Variants in GPR4 observed in about 807,000 individuals in gnomAD.
GPR4 encodes the protein G-prodeshotein coupled receptor 4.
GPR4 carries 11 observed loss-of-function variants against 17.8 expected under a neutral mutation model. The observed-to-expected ratio is 0.62, with a 90% CI of 0.39 to 1.02. The LOEUF is 1.02. Ranked by LOEUF, GPR4 falls within the 50% of genes least tolerant of loss-of-function variation. The pLI is 0.00. For synonymous variants in GPR4, 219 were observed against 222.8 expected (o/e 0.98, Z 0.15); for missense variants, 364 against 495.4 (o/e 0.73, Z 2.52).
chr19:45,598,484 C>G (rs750551803), intron 1 of GPR4, among the ~76,000 whole-genome samples: 2 of 152,042 alleles, frequency 1.3e-5, no homozygotes, highest in African/African-American at 4.8e-5. Flanking sequence ...AAGGGGGAAC[C>G]GGTCCAGCTC....
At chr19:45,592,991 A>T (rs1970014078) in intron 1 of GPR4, among the ~76,000 whole-genome samples, 1 of 152,010 alleles carries the variant, frequency 6.6e-6, no homozygotes, top group African/African-American at 2.4e-5. Context: ...TAGGAGTTCA[A>T]GACCAGCCTG....
chr19:45,599,430 C>A (rs1323060974), intron 1 of GPR4, among the ~76,000 whole-genome samples: 2 of 151,870 alleles, frequency 1.3e-5, no homozygotes, highest in Admixed American at 6.6e-5. Context: ...CCCACCACCC[C>A]CCCCTCCCCG....
Position 45,590,441 on chromosome 19 carries a change from T to G in GPR4, c.*337A>C, listed in dbSNP as rs1969977173. ...TGGTCCCAGCTACTCGGGAGGCTGA[T>G]GTGGGAAGATCGCTGGAGAGCCCAG... On this transcript the variant is annotated 3_prime_UTR_variant, in exon 2 of 2. Transcript: ENST00000323040. The G allele has an allele frequency of 8.5e-6, 2 of 234,270 alleles. No homozygotes were observed. The highest frequency in any genetic ancestry group is 8.5e-5 in the East Asian group (1 of 11,722). The allele number at this position is 234,270 out of a possible 1,614,324, so 14.5% of individuals were successfully genotyped here.
At chr19:45,601,539 T>C (rs1351792535) in intron 1 of GPR4, among the ~76,000 whole-genome samples, 2 of 151,958 alleles carry the variant, frequency 1.3e-5, no homozygotes, top group Non-Finnish European at 2.9e-5. Context: ...CCAAGCAGGT[T>C]CCCAGCCCAG....
intron 1 of GPR4, among the ~76,000 whole-genome samples, chr19:45,596,876 C>T (rs1016300855): frequency 6.6e-6 from 1 of 152,040 alleles, no homozygotes; most frequent in Non-Finnish European, 1.5e-5. Flanking sequence ...TTGAAACCCT[C>T]CAATGGCTTC....
At chr19:45,594,063 A>AATATATATATATATATAT (rs1186316579) in intron 1 of GPR4, among the ~76,000 whole-genome samples, 2 of 36,244 alleles carry the variant, frequency 5.5e-5, no homozygotes, top group African/African-American at 1.5e-4. Flanking sequence ...AAAAAAAAAA[A>AATATATATATATATATAT]ATATATATAT....
rs1406999761 is a variant in GPR4 at position 45,590,758 on chromosome 19, G to A, written c.*20C>T. 1 of 1,539,946 alleles carries A rather than the reference G, an allele frequency of 6.5e-7. No individual in the cohort carries two copies. Among genetic ancestry groups the A allele is most frequent in the Non-Finnish European group, 8.7e-7 (1 of 1,143,122 alleles). On this transcript the variant is annotated 3_prime_UTR_variant, in exon 2 of 2. Coordinates refer to ENST00000323040, the MANE Select transcript of GPR4 (RefSeq NM_005282.3). Reference sequence around the variant, plus strand: ...TGTGGGATGAGAGGGGAAAACTGGGGATTCTGTGCCACTCGGGGTTCATTG... The same window carrying A: ...TGTGGGATGAGAGGGGAAAACTGGGAATTCTGTGCCACTCGGGGTTCATTG...
intron 1 of GPR4, among the ~76,000 whole-genome samples, chr19:45,597,026 C>T (rs1311367252): frequency 1.3e-5 from 2 of 152,130 alleles, no homozygotes; most frequent in African/African-American, 4.8e-5. Flanking sequence ...ACCTTCTTTC[C>T]AGCCTCAAAC....
rs1228150117 is a variant in GPR4 at position 45,590,783 on chromosome 19, G to C, written c.1084C>G (p.Gln362Glu). ...GATTCTGTGCCACTCGGGGTTCATTGTGCTGGCGGCAGCATCTTCAGCTGC... is the reference window on the plus strand; with the variant it reads ...GATTCTGTGCCACTCGGGGTTCATTCTGCTGGCGGCAGCATCTTCAGCTGC... Reference protein sequence around the residue: ...QVQLKMLPPAQ With the variant: ...QVQLKMLPPAE Residue 362 changes from glutamine (Q) to glutamate (E), a missense_variant, in exon 2 of 2, where the codon CAA (glutamine) becomes GAA (glutamate). Around this residue, in one of 3 missense-constraint regions of GPR4, gnomAD observed 92 missense variants for 106.0 expected, o/e 0.87. Coordinates refer to ENST00000323040, the MANE Select transcript of GPR4 (RefSeq NM_005282.3). 13 of 1,566,540 alleles carry C rather than the reference G, an allele frequency of 8.3e-6. No individual in the cohort carries two copies. The highest frequency in any genetic ancestry group is 1.1e-5 in the Non-Finnish European group (13 of 1,155,070).
In GPR4 at chr19:45,590,757, G is replaced by T. The variant is rs201822609; in HGVS notation, c.*21C>A. 3.2e-6 allele frequency: 5 copies of T among 1,539,654 alleles called. No individual in the cohort carries two copies. In the East Asian group the frequency reaches 1.1e-4, roughly 35 times the overall value. On this transcript the variant is annotated 3_prime_UTR_variant, in exon 2 of 2. Transcript: ENST00000323040. ...CTGTGGGATGAGAGGGGAAAACTGG[G>T]GATTCTGTGCCACTCGGGGTTCATT... is the stretch of plus-strand genomic sequence containing the variant.
In GPR4 at chr19:45,590,200, A is replaced by T. The variant is rs1267624050; in HGVS notation, c.*578T>A. On this transcript the variant is annotated 3_prime_UTR_variant, in exon 2 of 2. Coordinates refer to ENST00000323040, the MANE Select transcript of GPR4 (RefSeq NM_005282.3). ...CCACTTGTTGGAAAAAAAAAAATCT[A>T]ACCTTCTCTATTTGTCTTTATTTTC... 6.6e-6 allele frequency: 1 copy of T among 152,080 alleles called. No individual in the cohort carries two copies. Among genetic ancestry groups the T allele is most frequent in the Non-Finnish European group, 1.5e-5 (1 of 68,038 alleles). The allele number at this position is 152,080 out of a possible 1,614,324, so 9.4% of individuals were successfully genotyped here.
intron 1 of GPR4, among the ~76,000 whole-genome samples, chr19:45,598,374 T>A (rs1164950683): frequency 6.6e-6 from 1 of 151,972 alleles, no homozygotes; most frequent in East Asian, 1.9e-4. Flanking sequence ...CCCCACTTTC[T>A]ATCGACCCCC....
At chr19:45,594,061 AAAATATATATATATAT>A (rs1970028584) in intron 1 of GPR4, among the ~76,000 whole-genome samples, 1 of 40,110 alleles carries the variant, frequency 2.5e-5, no homozygotes, top group African/African-American at 1.8e-4. Flanking sequence ...AAAAAAAAAA[AAAATATATATATATAT>A]ATATATATAT....
intron 1 of GPR4, among the ~76,000 whole-genome samples, chr19:45,593,597 G>A (rs996842113): frequency 2.6e-5 from 4 of 151,870 alleles, no homozygotes; most frequent in African/African-American, 9.7e-5. Flanking sequence ...GCATTTTCCT[G>A]CAGAATTCCT....
At chr19:45,599,491 GGAC>G (rs751145937) in intron 1 of GPR4, among the ~76,000 whole-genome samples, 2 of 151,612 alleles carry the variant, frequency 1.3e-5, no homozygotes, top group Non-Finnish European at 2.9e-5. Context: ...TGCTCATTAG[GGAC>G]GAAATGTGAT....
Position 45,590,695 on chromosome 19 carries a change from C to T in GPR4, c.*83G>A, listed in dbSNP as rs1377980214. On this transcript the variant is annotated 3_prime_UTR_variant, in exon 2 of 2. Transcript: ENST00000323040. ...ATGAATATTAACACAGCCCTTTTTC[C>T]ATACAATTTGCATACACCAGACCAG... is the stretch of plus-strand genomic sequence containing the variant. The T allele has an allele frequency of 6.8e-7, 1 of 1,470,672 alleles. No individual in the cohort carries two copies. The highest frequency in any genetic ancestry group is 2.3e-5 in the East Asian group (1 of 43,544). 91.1% of individuals were successfully genotyped at this position (1,470,672 alleles called of 1,614,324 possible). A position where few individuals can be genotyped will look rare whatever the true frequency, so the allele number is the denominator to read the frequency against.
chr19:45,597,882 GC>G (rs1014676368), intron 1 of GPR4, among the ~76,000 whole-genome samples: 7 of 152,118 alleles, frequency 4.6e-5, no homozygotes, highest in Non-Finnish European at 1.0e-4. Flanking sequence ...AGTAAGTCCT[GC>G]CCCCTGTGGG....
chr19:45,594,063 A>ATAT (rs1555738313), intron 1 of GPR4, among the ~76,000 whole-genome samples: 28 of 36,232 alleles, frequency 7.7e-4, no homozygotes, highest in South Asian at 1.1e-3. Context: ...AAAAAAAAAA[A>ATAT]ATATATATAT....
intron 1 of GPR4, among the ~76,000 whole-genome samples, chr19:45,596,871 A>G (rs886403236): frequency 1.4e-4 from 21 of 150,326 alleles, no homozygotes; most frequent in Non-Finnish European, 2.4e-4. Context: ...CCTGCTTGAA[A>G]CCCTCCAATG....
Sources: allele counts gnomAD v4.1 joint callset (sites outside exome capture counted in the v4.1 genomes callset), GRCh38; gene constraint gnomAD v4.1.1; regional missense constraint gnomAD v4.1.1; transcripts MANE v1.5; gene names NCBI Gene and HGNC (gene_info 2026-07-23, HGNC 2026-07-21).